OTOA: variants seen among roughly 807,000 people sequenced by gnomAD.
The protein encoded by OTOA is cancer/testis antigen 108.
A neutral mutation model predicts 110.8 loss-of-function variants in OTOA; 70 were observed. The observed-to-expected ratio is 0.63, with a 90% CI of 0.52 to 0.77. The LOEUF (loss-of-function observed/expected upper bound fraction) is 0.77, where lower values mean the gene tolerates loss of function less well. Among genes scored for constraint, OTOA ranks in the 30% least tolerant of loss-of-function variants. OTOA has a pLI of 0.00. For missense variants in OTOA, 917 were observed against 1,075.8 expected (o/e 0.85, Z 2.06); for synonymous variants, 373 against 431.5 (o/e 0.86, Z 1.68).
At chr16:21,713,402 T>C (rs1369791386) in intron 13 of OTOA, among the ~76,000 whole-genome samples, 1 of 152,120 alleles carries the variant, frequency 6.6e-6, no homozygotes, top group African/African-American at 2.4e-5. Context: ...GAGGGAGGGA[T>C]GAAGGGCAGC....
chr16:21,688,291 A>T (rs2141661984), intron 8 of OTOA, among the ~76,000 whole-genome samples: 1 of 152,198 alleles, frequency 6.6e-6, no homozygotes, highest in South Asian at 2.1e-4. Flanking sequence ...GGGAGGCTTG[A>T]GGCAGGAGAA....
In OTOA at chr16:21,726,587, A is replaced by T; in HGVS notation, c.1945A>T (p.Ser649Cys). Residue 649 changes from serine to cysteine, a missense_variant, in exon 19 of 29, where the codon AGC becomes TGC. By Grantham distance (112) the Ser-to-Cys change is moderately radical. Transcript: ENST00000646100. Reference protein sequence around the residue: ...CVPFLISLGKSWLDSLVLDSH... With the variant: ...CVPFLISLGKCWLDSLVLDSH... ...GCCCTTTCTGATCAGCCTGGGGAAG[A>T]GCTGGTTGGACTCCTTGGTTTTAGA... 6.2e-7 allele frequency: 1 copy of T among 1,613,954 alleles called. No homozygotes were observed. The highest frequency in any genetic ancestry group is 8.5e-7 in the Non-Finnish European group (1 of 1,179,992).
chr16:21,705,454 A>G (rs1009652226), intron 12 of OTOA, 162 bp downstream of exon 12: 5 of 1,062,406 alleles, frequency 4.7e-6, no homozygotes, highest in Non-Finnish European at 6.9e-6. Flanking sequence ...GGTAAGTGTA[A>G]CATCGAAGCC....
At chr16:21,726,329 T>G (rs1164740692) in intron 18 of OTOA, among the ~76,000 whole-genome samples, 194 bp from the exon 19 acceptor site, 1 of 152,066 alleles carries the variant, frequency 6.6e-6, no homozygotes, top group Non-Finnish European at 1.5e-5. Flanking sequence ...ATGGGAAGTT[T>G]GTTCCCACCC....
Position 21,687,946 on chromosome 16 carries a change from G to C in OTOA, c.635+298G>C, listed in dbSNP as rs192199752. Among the ~76,000 whole-genome samples, 589 of 152,144 alleles carry C rather than the reference G, an allele frequency of 3.9e-3. 5 individuals are homozygous for C. Among genetic ancestry groups the C allele is most frequent in the Middle Eastern group, 0.02 (6 of 294 alleles). ...CCCAAAGTGCTTGGATTACGGGCAT[G>C]AGCCACTGCACCCAGCCACTCCCAC... On this transcript the variant is annotated intron_variant, in intron 8 of 28. Coordinates refer to ENST00000646100, the MANE Select transcript of OTOA (RefSeq NM_144672.4).
chr16:21,709,746 C>T, intron 12 of OTOA, 142 bp from the exon 13 acceptor site: 1 of 758,978 alleles, frequency 1.3e-6, no homozygotes, highest in Non-Finnish European at 2.3e-6. Flanking sequence ...GAGTCCCTTT[C>T]CTTCATCGTT....
intron 11 of OTOA, among the ~76,000 whole-genome samples, chr16:21,704,500 T>C (rs980970092): frequency 3.3e-5 from 5 of 152,180 alleles, no homozygotes; most frequent in African/African-American, 9.7e-5. Context: ...TGAGAGCACC[T>C]GCCTTGTAGG....
chr16:21,760,280 A>G (rs1900127125), intron 28 of OTOA, among the ~76,000 whole-genome samples, 190 bp from the exon 29 acceptor site: 4 of 151,486 alleles, frequency 2.6e-5, no homozygotes, highest in African/African-American at 7.3e-5. Context: ...GACTGACACA[A>G]TCTCATTTAA....
chr16:21,722,165 C>T (rs776819780), intron 17 of OTOA, among the ~76,000 whole-genome samples: 10 of 147,470 alleles, frequency 6.8e-5, no homozygotes, highest in Non-Finnish European at 1.0e-4. Context: ...GGGAGGCTGA[C>T]GCAGGAGAAC....
At chr16:21,690,558 T>C (rs1186575108) in intron 8 of OTOA, among the ~76,000 whole-genome samples, 1 of 152,180 alleles carries the variant, frequency 6.6e-6, no homozygotes, top group African/African-American at 2.4e-5. Flanking sequence ...TATTCCATGG[T>C]ATATATGTAC....
At chr16:21,678,479 A>T (rs116996978) in intron 1 of OTOA, 32 bp from the exon 2 acceptor site, 1 of 1,449,610 alleles carries the variant, frequency 6.9e-7, no homozygotes, top group Non-Finnish European at 9.7e-7. Flanking sequence ...TTAAAAAAAC[A>T]TGAATCACTT....
rs575814739 is a variant in OTOA, at chr16:21,671,514, G to T, written c.-4-6997G>T. On this transcript the variant is annotated intron_variant, in intron 1 of 28. Coordinates refer to ENST00000646100, the MANE Select transcript of OTOA (RefSeq NM_144672.4). ...AGGCAGAAGAATCGCTTGAACCTGG[G>T]AAGCAGAGGTTGCAGTGAGCCTACA... Among the ~76,000 whole-genome samples, 599 of 145,606 alleles carry T rather than the reference G, an allele frequency of 4.1e-3. 5 individuals are homozygous for T. Among genetic ancestry groups the T allele is most frequent in the Middle Eastern group, 0.025 (7 of 276 alleles).
intron 21 of OTOA, among the ~76,000 whole-genome samples, chr16:21,735,795 T>C (rs1005002518): frequency 6.6e-6 from 1 of 152,118 alleles, no homozygotes; most frequent in Non-Finnish European, 1.5e-5. Context: ...GGTTTCACCA[T>C]GTTGGCCAGG....
intron 9 of OTOA, among the ~76,000 whole-genome samples, chr16:21,695,252 A>C (rs1020097042): frequency 6.5e-5 from 9 of 139,404 alleles, no homozygotes; most frequent in African/African-American, 1.8e-4. Context: ...AAAAAATTAA[A>C]AGATTAGCCT....
intron 22 of OTOA, among the ~76,000 whole-genome samples, chr16:21,738,755 G>C (rs1477243011): frequency 6.6e-6 from 1 of 152,310 alleles, no homozygotes; most frequent in African/African-American, 2.4e-5. Context: ...GATGTGGCAG[G>C]CCAAAACCTA....
At chr16:21,665,469 G>A (rs1040304456) in intron 1 of OTOA, among the ~76,000 whole-genome samples, 2 of 152,206 alleles carry the variant, frequency 1.3e-5, no homozygotes, top group South Asian at 4.2e-4. Flanking sequence ...GGTTACTAGG[G>A]AGCCCCACAG....
chr16:21,671,144 A>C (rs568224853), intron 1 of OTOA, among the ~76,000 whole-genome samples: 1 of 152,220 alleles, frequency 6.6e-6, no homozygotes, highest in African/African-American at 2.4e-5. Context: ...TTATTTAATA[A>C]ACTTGTATAC....
In OTOA at chr16:21,678,479, A is replaced by G. The variant is rs116996978; in HGVS notation, c.-4-32A>G. On this transcript the variant is annotated intron_variant, in intron 1 of 28. Coordinates refer to ENST00000646100, the MANE Select transcript of OTOA (RefSeq NM_144672.4). Reference sequence around the variant, plus strand: ...GTATATATATATATATTAAAAAAACATGAATCACTTCTATGCTTAAATTAA... The same window carrying G: ...GTATATATATATATATTAAAAAAACGTGAATCACTTCTATGCTTAAATTAA... 257 of 1,449,612 alleles carry G rather than the reference A, an allele frequency of 1.8e-4. 4 individuals are homozygous for G. The East Asian group carries it at 5.8e-3, about 33-fold the overall frequency. The allele number at this position is 1,449,612 out of a possible 1,614,324, so 89.8% of individuals were successfully genotyped here.
intron 9 of OTOA, among the ~76,000 whole-genome samples, chr16:21,696,282 T>C (rs905516604): frequency 6.6e-6 from 1 of 152,014 alleles, no homozygotes; most frequent in South Asian, 2.1e-4. Flanking sequence ...CCTCTGGGAA[T>C]TCAGTGGAGG....
Sources: gnomAD v4.1 joint callset for allele counts (sites outside exome capture counted in the v4.1 genomes callset) on GRCh38, gnomAD v4.1.1 for gene constraint, MANE v1.5 for transcripts, NCBI Gene and HGNC (gene_info 2026-07-23, HGNC 2026-07-21) for gene names.